The following PTPRD variants were observed in gnomAD, a reference collection of about 807,000 sequenced individuals.
PTPRD encodes receptor-type tyrosine-protein phosphatase delta.
A neutral mutation model predicts 214.5 loss-of-function variants in PTPRD; 34 were observed. The ratio of observed to expected loss-of-function variants is 0.16; its 90% confidence interval spans 0.12 to 0.21. The LOEUF (loss-of-function observed/expected upper bound fraction) is 0.21. PTPRD is among the 10% of genes least tolerant of loss of function. PTPRD has a pLI of 1.00. For missense variants in PTPRD, 2,545 were observed against 2,398.7 expected (o/e 1.06, Z -1.27); for synonymous variants, 1,128 against 845.7 (o/e 1.33, Z -5.79).
chr9:8,335,677 C>T (rs1252239888), intron 43 of PTPRD, among the ~76,000 whole-genome samples: 1 of 152,116 alleles, frequency 6.6e-6, no homozygotes, highest in Non-Finnish European at 1.5e-5. Context: ...AACGGGTATT[C>T]AATTAGGAAA....
intron 11 of PTPRD, among the ~76,000 whole-genome samples, chr9:8,898,425 T>G (rs1016037024): frequency 2.6e-5 from 4 of 152,184 alleles, no homozygotes; most frequent in Admixed American, 6.6e-5. Flanking sequence ...GCCTGACTGT[T>G]CTCTCATTCT....
intron 5 of PTPRD, among the ~76,000 whole-genome samples, chr9:9,818,783 G>T (rs1158279241): frequency 6.6e-6 from 1 of 151,850 alleles, no homozygotes; most frequent in Non-Finnish European, 1.5e-5. Flanking sequence ...GGGTGTAGTG[G>T]TGTGCGCCTG....
intron 3 of PTPRD, among the ~76,000 whole-genome samples, chr9:10,063,362 C>A (rs530077320): frequency 2.6e-4 from 40 of 151,998 alleles, no homozygotes; most frequent in African/African-American, 8.4e-4. Flanking sequence ...TTGTCAATAT[C>A]AAATTGGGTT....
intron 5 of PTPRD, among the ~76,000 whole-genome samples, chr9:9,783,693 C>T (rs4740988): frequency 0.3 from 44,988 of 151,834 alleles, 7,447 homozygotes; most frequent in East Asian, 0.71. Flanking sequence ...CCTTCTTTTG[C>T]CAGTTCCTCC....
intron 8 of PTPRD, among the ~76,000 whole-genome samples, chr9:9,520,741 G>T (rs1323979340): frequency 6.6e-6 from 1 of 152,118 alleles, no homozygotes; most frequent in Non-Finnish European, 1.5e-5. Flanking sequence ...CATTTTAATT[G>T]AATGCCAATA....
chr9:10,556,092 C>T (rs894794353), intron 2 of PTPRD, among the ~76,000 whole-genome samples: 2 of 151,980 alleles, frequency 1.3e-5, no homozygotes, highest in African/African-American at 4.8e-5. Flanking sequence ...ACTTCTGAGG[C>T]CTCATCCTAA....
chr9:9,646,516 A>G (rs759934953), intron 7 of PTPRD, among the ~76,000 whole-genome samples: 1 of 152,066 alleles, frequency 6.6e-6, no homozygotes, highest in Non-Finnish European at 1.5e-5. Context: ...GCTCGCTATG[A>G]TGTATCAGAA....
At chr9:10,528,576 G>T (rs1471045306) in intron 2 of PTPRD, among the ~76,000 whole-genome samples, 2 of 152,096 alleles carry the variant, frequency 1.3e-5, no homozygotes, top group South Asian at 4.1e-4. Flanking sequence ...TATACTCAGG[G>T]CCTAGCCCAA....
intron 9 of PTPRD, among the ~76,000 whole-genome samples, chr9:9,261,152 C>T (rs551167584): frequency 1.1e-3 from 170 of 151,926 alleles, no homozygotes; most frequent in African/African-American, 3.2e-3. Flanking sequence ...GGCCTGTTTA[C>T]GAGTGGCTGC....
At chr9:8,751,491 T>C (rs903039342) in intron 11 of PTPRD, among the ~76,000 whole-genome samples, 2 of 152,214 alleles carry the variant, frequency 1.3e-5, no homozygotes, top group African/African-American at 4.8e-5. Context: ...TTTTAAACTC[T>C]GTAATGTTAG....
intron 14 of PTPRD, among the ~76,000 whole-genome samples, chr9:8,630,312 A>G (rs2096211197): frequency 1.3e-5 from 2 of 151,752 alleles, no homozygotes; most frequent in Non-Finnish European, 2.9e-5. Flanking sequence ...AATCTCCTCA[A>G]CTGTGGTATA....
chr9:9,275,833 ATGTGTGTG>A (rs71500979), intron 9 of PTPRD, among the ~76,000 whole-genome samples: 7 of 143,192 alleles, frequency 4.9e-5, no homozygotes, highest in African/African-American at 1.9e-4. Context: ...GTGTGTGTGT[ATGTGTGTG>A]TGTGTGTGTG....
chr9:9,627,399 T>C (rs2154356914), intron 7 of PTPRD, among the ~76,000 whole-genome samples: 1 of 152,354 alleles, frequency 6.6e-6, no homozygotes, highest in East Asian at 1.9e-4. Context: ...GTTTGTCATC[T>C]ATGTTAATAA....
At chr9:9,999,672 T>G (rs2096261308) in intron 4 of PTPRD, among the ~76,000 whole-genome samples, 1 of 152,244 alleles carries the variant, frequency 6.6e-6, no homozygotes, top group Admixed American at 6.5e-5. Context: ...GAATTCTGGT[T>G]GTAAAATTCT....
chr9:10,354,819 G>A (rs2097246513), intron 2 of PTPRD, among the ~76,000 whole-genome samples: 1 of 152,110 alleles, frequency 6.6e-6, no homozygotes, highest in African/African-American at 2.4e-5. Flanking sequence ...TGGAGAGAAG[G>A]AAAGACATGA....
intron 8 of PTPRD, among the ~76,000 whole-genome samples, chr9:9,567,355 T>C (rs1424387027): frequency 1.3e-5 from 2 of 151,930 alleles, no homozygotes; most frequent in Admixed American, 1.3e-4. Context: ...GCCGGTCTCA[T>C]GGATGGTAAC....
intron 10 of PTPRD, among the ~76,000 whole-genome samples, chr9:9,150,180 T>A (rs1466893687): frequency 6.6e-6 from 1 of 152,066 alleles, no homozygotes; most frequent in East Asian, 1.9e-4. Flanking sequence ...ACCATGGACA[T>A]GTCTTGTTAT....
chr9:9,224,004 T>G (rs2133491652), intron 9 of PTPRD, among the ~76,000 whole-genome samples: 1 of 152,190 alleles, frequency 6.6e-6, no homozygotes, highest in Non-Finnish European at 1.5e-5. Context: ...AATGTATTTC[T>G]ACTAATCTGC....
chr9:9,267,402 C>G (rs1237663091), intron 9 of PTPRD, among the ~76,000 whole-genome samples: 1 of 151,174 alleles, frequency 6.6e-6, no homozygotes, highest in African/African-American at 2.4e-5. Context: ...GAGATTGAAT[C>G]AGTAATTAAA....
Sources: gnomAD v4.1 joint callset for allele counts (sites outside exome capture counted in the v4.1 genomes callset) on GRCh38, gnomAD v4.1.1 for gene constraint, MANE v1.5 for transcripts, NCBI Gene and HGNC (gene_info 2026-07-23, HGNC 2026-07-21) for gene names.